MYRFL: variants seen among roughly 807,000 people sequenced by gnomAD.
The protein encoded by MYRFL is myelin regulatory factor like.
MYRFL carries 88 observed loss-of-function variants against 109.4 expected under a neutral mutation model. The ratio of observed to expected loss-of-function variants is 0.80; its 90% CI spans 0.68 to 0.96. MYRFL has a LOEUF of 0.96. MYRFL is among the 40% of genes least tolerant of loss of function. MYRFL has a pLI of 0.00. For synonymous variants in MYRFL, 324 were observed against 320.9 expected (o/e 1.01, Z -0.10); for missense variants, 957 against 954.9 (o/e 1.00, Z -0.03).
chr12:69,935,610 C>G (rs1378868648), intron 16 of MYRFL, among the ~76,000 whole-genome samples: 1 of 152,190 alleles, frequency 6.6e-6, no homozygotes, highest in African/African-American at 2.4e-5. Context: ...GTATTGTGCT[C>G]TGAAAAGACA....
intron 5 of MYRFL, among the ~76,000 whole-genome samples, chr12:69,886,494 C>G (rs1279688179): frequency 6.6e-6 from 1 of 152,196 alleles, no homozygotes; most frequent in Non-Finnish European, 1.5e-5. Context: ...GCTGGGTCAC[C>G]TATCCTCCCG....
intron 1 of MYRFL, among the ~76,000 whole-genome samples, chr12:69,826,512 C>T (rs1344139022): frequency 6.6e-6 from 1 of 151,992 alleles, no homozygotes; most frequent in Non-Finnish European, 1.5e-5. Flanking sequence ...AAATCTACTC[C>T]ATTTCCTTCT....
chr12:69,950,558 T>C (rs1356556701), intron 19 of MYRFL, among the ~76,000 whole-genome samples: 8 of 152,172 alleles, frequency 5.3e-5, no homozygotes, highest in Non-Finnish European at 1.2e-4. Flanking sequence ...TGCAACTTCA[T>C]ATGAGCCAGG....
chr12:69,853,670 A>G (rs2136321580), intron 1 of MYRFL, among the ~76,000 whole-genome samples: 1 of 129,664 alleles, frequency 7.7e-6, no homozygotes, highest in East Asian at 2.6e-4. Flanking sequence ...ATCCCAGACG[A>G]TGGGCGGCCG....
At chr12:69,858,855 T>C (rs1884462024) in intron 2 of MYRFL, among the ~76,000 whole-genome samples, 1 of 151,908 alleles carries the variant, frequency 6.6e-6, no homozygotes, top group Non-Finnish European at 1.5e-5. Flanking sequence ...TACTCTTATC[T>C]TTATTATTTT....
intron 13 of MYRFL, among the ~76,000 whole-genome samples, chr12:69,915,734 G>A (rs935991341): frequency 9.9e-5 from 15 of 152,116 alleles, no homozygotes; most frequent in African/African-American, 3.4e-4. Flanking sequence ...GACACTGAAA[G>A]CAAGGGGACC....
At chr12:69,854,019 G>A (rs1592705305) in intron 1 of MYRFL, among the ~76,000 whole-genome samples, 2 of 152,334 alleles carry the variant, frequency 1.3e-5, no homozygotes, top group East Asian at 1.9e-4. Context: ...AGGTTGTAGT[G>A]AGCCGAGATC....
intron 19 of MYRFL, among the ~76,000 whole-genome samples, chr12:69,937,890 A>G (rs1378043716): frequency 6.6e-6 from 1 of 152,200 alleles, no homozygotes; most frequent in Non-Finnish European, 1.5e-5. Flanking sequence ...GTAATGAGGT[A>G]TTACTCTACG....
intron 1 of MYRFL, among the ~76,000 whole-genome samples, chr12:69,826,646 G>A (rs1467787614): frequency 6.6e-6 from 1 of 151,970 alleles, no homozygotes; most frequent in Non-Finnish European, 1.5e-5. Flanking sequence ...TATGGATATA[G>A]TTTCTACAAG....
chr12:69,826,546 C>T lies in MYRFL; in HGVS notation c.46+983C>T, dbSNP rs144562816. Among the ~76,000 whole-genome samples, 134 of 152,142 alleles carry T rather than the reference C, an allele frequency of 8.8e-4. No individual in the cohort carries two copies. In the East Asian group the frequency reaches 0.022, roughly 25 times the overall value. On this transcript the variant is annotated intron_variant, in intron 1 of 24. Transcript: ENST00000552032. ...CTAGAGCTAGGGAAGACCTGAATAT[C>T]GAATTTGGTCTACCTTCTGTTTTTT...
rs143463649 is a variant in MYRFL, at chr12:69,893,422, G to C, written c.904-342G>C. On this transcript the variant is annotated intron_variant, in intron 7 of 24. Transcript: ENST00000552032. ...TAAAGCAGTTCCTCGTACATAGTGG[G>C]TGCTCCATAAGTACTTCTAGAATGA... Among the ~76,000 whole-genome samples the C allele has an allele frequency of 1.8e-3, 275 of 152,244 alleles. 2 individuals are homozygous for C. Among genetic ancestry groups the C allele is most frequent in the South Asian group, 0.01 (50 of 4,828 alleles).
rs1956129937 is a variant in MYRFL at position 69,957,895 on chromosome 12, A to G, written c.2524A>G (p.Thr842Ala). Residue 842 changes from threonine to alanine, a missense_variant, in exon 23 of 25, where the codon ACC becomes GCC. Physicochemically the swap from Thr to Ala is moderately conservative, Grantham distance 58. Transcript: ENST00000552032. Reference sequence around the variant, plus strand: ...TATATGTTTCCATAGTAAAAGGGGAACCAAAGGGCTGGAAAGCCACAGAGA... The same window carrying G: ...TATATGTTTCCATAGTAAAAGGGGAGCCAAAGGGCTGGAAAGCCACAGAGA... The part of the protein sequence containing the change: ...GNICFHSKRG[T>A]KGLESHREIS... 1.3e-6 allele frequency: 2 copies of G among 1,535,268 alleles called. No individual in the cohort carries two copies. Among genetic ancestry groups the G allele is most frequent in the East Asian group, 4.9e-5 (2 of 40,890 alleles).
At chr12:69,898,535 C>A (rs1954079274) in intron 10 of MYRFL, among the ~76,000 whole-genome samples, 1 of 152,178 alleles carries the variant, frequency 6.6e-6, no homozygotes, top group Non-Finnish European at 1.5e-5. Context: ...CCAGGGCCAT[C>A]TTTGACATCT....
At chr12:69,957,708 T>C in intron 22 of MYRFL, 114 bp from the exon 23 acceptor site, 1 of 1,301,454 alleles carries the variant, frequency 7.7e-7, no homozygotes, top group South Asian at 1.7e-5. Flanking sequence ...ATTGTGAACT[T>C]TGAATGGATT....
At chr12:69,886,168 G>T (rs1260869054) in intron 5 of MYRFL, among the ~76,000 whole-genome samples, 4 of 152,076 alleles carry the variant, frequency 2.6e-5, no homozygotes, top group Non-Finnish European at 4.4e-5. Context: ...CAAAATTAGG[G>T]GAACTATTGG....
At chr12:69,827,834 T>C (rs1181411120) in intron 1 of MYRFL, among the ~76,000 whole-genome samples, 2 of 152,026 alleles carry the variant, frequency 1.3e-5, no homozygotes, top group Non-Finnish European at 2.9e-5. Flanking sequence ...TATAGCAAAG[T>C]TTATTAAAAC....
In MYRFL at chr12:69,958,523, T is replaced by G; in HGVS notation, c.2725T>G (p.Cys909Gly). 1 of 1,532,370 alleles carries G rather than the reference T, an allele frequency of 6.5e-7. No individual in the cohort carries two copies. The highest frequency in any genetic ancestry group is 1.2e-5 in the South Asian group (1 of 82,550). The allele number at this position is 1,532,370 out of a possible 1,614,324, so 94.9% of individuals were successfully genotyped here. The change falls in exon 25 of 25, where the codon TGT becomes GGT. Residue 909 changes from cysteine to glycine, a missense_variant. Transcript: ENST00000552032. ...TTACTTCTTTTACTTCTATCGACGC[T>G]GTGCCTAATTTGTTCAAGTTTGGGG... ...TDYFFYFYRR[C>G]A is the part of the protein sequence containing the mutation.
chr12:69,936,025 C>A, intron 16 of MYRFL, 88 bp from the exon 17 acceptor site: 1 of 1,445,866 alleles, frequency 6.9e-7, no homozygotes, highest in South Asian at 1.4e-5. Context: ...GAGAGTACAT[C>A]TCTGGCCAGC....
intron 24 of MYRFL, 30 bp downstream of exon 24, chr12:69,958,353 T>TGAGA: frequency 6.5e-7 from 1 of 1,528,542 alleles, no homozygotes; most frequent in Non-Finnish European, 8.8e-7. Flanking sequence ...TTCTTTTCAG[T>TGAGA]GAGAAAGAAA....
Sources: allele counts gnomAD v4.1 joint callset (sites outside exome capture counted in the v4.1 genomes callset), GRCh38; gene constraint gnomAD v4.1.1; transcripts MANE v1.5; gene names NCBI Gene and HGNC (gene_info 2026-07-23, HGNC 2026-07-21).